Variants in CDH12 observed in about 807,000 individuals in gnomAD.
CDH12 encodes the protein cadherin 12.
In CDH12, 41 loss-of-function variants were observed where a neutral mutation model predicts 74.1. That is an observed-to-expected ratio of 0.55 (90% CI 0.43 to 0.72). CDH12 has a LOEUF of 0.72. Ranked by LOEUF, CDH12 falls within the 30% of genes least tolerant of loss-of-function variation. The pLI is 0.00. For missense variants in CDH12, 945 were observed against 977.2 expected (o/e 0.97, Z 0.44); for synonymous variants, 399 against 355.0 (o/e 1.12, Z -1.39).
At chr5:22,453,253 A>T (rs1429015946) in intron 2 of CDH12, among the ~76,000 whole-genome samples, 3 of 152,124 alleles carry the variant, frequency 2.0e-5, no homozygotes, top group Admixed American at 6.6e-5. Context: ...AAAGGAAATG[A>T]GACCAGTATG....
chr5:22,037,195 A>G (rs1739252154), intron 5 of CDH12, among the ~76,000 whole-genome samples: 1 of 152,198 alleles, frequency 6.6e-6, no homozygotes, highest in African/African-American at 2.4e-5. Flanking sequence ...CTCACATCCT[A>G]ATCCCTGGAA....
intron 2 of CDH12, among the ~76,000 whole-genome samples, chr5:22,461,689 T>G (rs916931455): frequency 6.6e-6 from 1 of 151,908 alleles, no homozygotes; most frequent in African/African-American, 2.4e-5. Context: ...AGAGTCCATA[T>G]TTTACTTCAT....
At chr5:22,547,575 T>C (rs1738389298) in intron 1 of CDH12, among the ~76,000 whole-genome samples, 1 of 152,186 alleles carries the variant, frequency 6.6e-6, no homozygotes, top group Non-Finnish European at 1.5e-5. Flanking sequence ...ATTCCAAATT[T>C]TAGATAAAAT....
intron 1 of CDH12, among the ~76,000 whole-genome samples, chr5:22,822,323 C>G (rs1414416708): frequency 6.6e-6 from 1 of 152,056 alleles, no homozygotes; most frequent in East Asian, 1.9e-4. Flanking sequence ...TAGGCATGGG[C>G]AAGGACTTCA....
At chr5:21,799,382 C>T (rs1746984971) in intron 10 of CDH12, among the ~76,000 whole-genome samples, 1 of 151,966 alleles carries the variant, frequency 6.6e-6, no homozygotes, top group Non-Finnish European at 1.5e-5. Context: ...TAAAAAGAAA[C>T]CAAAGCTTAA....
At chr5:22,298,098 C>A (rs955361017) in intron 3 of CDH12, among the ~76,000 whole-genome samples, 2 of 150,442 alleles carry the variant, frequency 1.3e-5, no homozygotes, top group Admixed American at 6.6e-5. Flanking sequence ...TGTGCTGATG[C>A]CTAATGGAGA....
intron 1 of CDH12, among the ~76,000 whole-genome samples, chr5:22,621,782 T>C (rs943263056): frequency 1.5e-4 from 23 of 152,040 alleles, no homozygotes; most frequent in African/African-American, 5.3e-4. Context: ...CTTACCAAAA[T>C]TGACTGAATA....
intron 6 of CDH12, among the ~76,000 whole-genome samples, chr5:21,859,647 G>T (rs1750931972): frequency 6.6e-6 from 1 of 151,888 alleles, no homozygotes; most frequent in African/African-American, 2.4e-5. Flanking sequence ...CATTCTGCTG[G>T]CCTAGTAGTC....
At chr5:22,527,195 T>C (rs1170950320) in intron 1 of CDH12, among the ~76,000 whole-genome samples, 2 of 152,180 alleles carry the variant, frequency 1.3e-5, no homozygotes. Flanking sequence ...GAAAGACTAG[T>C]AGTATAAATT....
rs189842117 is a variant in CDH12, at chr5:22,811,172, T to C, written c.-523+41886A>G. ...ATACATATATATATACACACACACA[T>C]ATATATTTGGATGGACAGTCATGAA... is the stretch of plus-strand genomic sequence containing the variant. On this transcript the variant is annotated intron_variant, in intron 1 of 14. Transcript: ENST00000382254. Among the ~76,000 whole-genome samples the C allele has an allele frequency of 9.3e-5, 14 of 151,334 alleles. No individual in the cohort carries two copies. In the East Asian group the frequency reaches 9.7e-4, roughly 11 times the overall value.
intron 4 of CDH12, among the ~76,000 whole-genome samples, chr5:22,107,540 T>C (rs974334724): frequency 1.1e-5 from 1 of 94,826 alleles, no homozygotes; most frequent in African/African-American, 3.8e-5. Context: ...AATCAGTAAA[T>C]TGTTAGGCAT....
chr5:22,475,900 T>G (rs1040956889), intron 2 of CDH12, among the ~76,000 whole-genome samples: 16 of 152,000 alleles, frequency 1.1e-4, no homozygotes, highest in African/African-American at 3.1e-4. Flanking sequence ...ACTCACAAAA[T>G]TTTCTAGAGA....
At chr5:22,356,571 T>C (rs1561339944) in intron 3 of CDH12, among the ~76,000 whole-genome samples, 1 of 152,154 alleles carries the variant, frequency 6.6e-6, no homozygotes, top group East Asian at 1.9e-4. Context: ...CCTCAAGGTT[T>C]TGAATTATCG....
At chr5:21,922,860 G>C (rs920027861) in intron 6 of CDH12, among the ~76,000 whole-genome samples, 2 of 151,680 alleles carry the variant, frequency 1.3e-5, no homozygotes. Flanking sequence ...CCAATATCTT[G>C]TCTACATCAT....
intron 3 of CDH12, among the ~76,000 whole-genome samples, chr5:22,268,561 T>C (rs1736241490): frequency 6.6e-6 from 1 of 152,116 alleles, no homozygotes; most frequent in Admixed American, 6.6e-5. Context: ...ATACTTCTGA[T>C]TTTAATTTTT....
chr5:22,611,382 G>C (rs755582699), intron 1 of CDH12, among the ~76,000 whole-genome samples: 1 of 152,112 alleles, frequency 6.6e-6, no homozygotes, highest in Non-Finnish European at 1.5e-5. Context: ...AGCAAATTTA[G>C]TCAATTCTGG....
At chr5:22,815,769 C>CAAAAAAAA (rs34135797) in intron 1 of CDH12, among the ~76,000 whole-genome samples, 19 of 96,910 alleles carry the variant, frequency 2.0e-4, no homozygotes, top group Non-Finnish European at 3.1e-4. Context: ...GACTCCGTCT[C>CAAAAAAAA]AAAAAAAAAA....
intron 1 of CDH12, among the ~76,000 whole-genome samples, chr5:22,806,807 A>G (rs1472319977): frequency 6.6e-6 from 1 of 151,968 alleles, no homozygotes; most frequent in African/African-American, 2.4e-5. Flanking sequence ...TCCTTTGCCT[A>G]CTTTTTGATG....
chr5:22,083,299 T>C (rs1383529422), intron 4 of CDH12, among the ~76,000 whole-genome samples: 2 of 152,206 alleles, frequency 1.3e-5, no homozygotes, highest in African/African-American at 4.8e-5. Context: ...CTTCCTTTCC[T>C]GAGTCCAAAC....
Sources: gnomAD v4.1 joint callset for allele counts (sites outside exome capture counted in the v4.1 genomes callset) on GRCh38, gnomAD v4.1.1 for gene constraint, MANE v1.5 for transcripts, NCBI Gene and HGNC (gene_info 2026-07-23, HGNC 2026-07-21) for gene names.